STK32B: variants seen among roughly 807,000 people sequenced by gnomAD.
STK32B encodes serine/threonine kinase 32B.
A neutral mutation model predicts 52.6 loss-of-function variants in STK32B; 43 were observed. That is an observed-to-expected ratio of 0.82 (90% CI 0.64 to 1.05). STK32B has a LOEUF of 1.05. Among genes scored for constraint, STK32B ranks in the 50% least tolerant of loss-of-function variants. STK32B has a pLI of 0.00. For synonymous variants in STK32B, 238 were observed against 204.3 expected, an observed-to-expected ratio of 1.17 and a Z score of -1.41; for missense variants, 621 against 534.6, an observed-to-expected ratio of 1.16 and a Z score of -1.59.
chr4:5,051,161 C>T (rs954238648), upstream of STK32B, among the ~76,000 whole-genome samples: 2 of 152,168 alleles, frequency 1.3e-5, no homozygotes, highest in East Asian at 1.9e-4. Flanking sequence ...CCCTTCGCAG[C>T]CGGGGCCGAC....
At chr4:5,479,816 A>G (rs776239358) in intron 11 of STK32B, among the ~76,000 whole-genome samples, 4 of 152,156 alleles carry the variant, frequency 2.6e-5, no homozygotes, top group Non-Finnish European at 4.4e-5. Flanking sequence ...ACAGCTTTCC[A>G]GTAATTTCAA....
At position 5,396,974 on chromosome 4, in the gene STK32B, C is replaced by A. The variant is rs922605416; in HGVS notation, c.435-1233C>A. Reference sequence around the variant, plus strand: ...GCTTTGTGACCTCGGCAGCAGGGGCCCACGTACTCAATGCTCCTCGGTACT... The same window carrying A: ...GCTTTGTGACCTCGGCAGCAGGGGCACACGTACTCAATGCTCCTCGGTACT... On this transcript the variant is annotated intron_variant, in intron 4 of 11. Coordinates refer to ENST00000282908, the MANE Select transcript of STK32B (RefSeq NM_018401.3). The surrounding 1 kb of genome is among the most constrained non-coding windows in gnomAD (Gnocchi z 4.7). Among the ~76,000 whole-genome samples the A allele has an allele frequency of 4.6e-5, 7 of 152,170 alleles. No homozygotes were observed. Among genetic ancestry groups the A allele is most frequent in the African/African-American group, 1.7e-4 (7 of 41,434 alleles).
chr4:5,060,204 G>A (rs949878347), intron 1 of STK32B, among the ~76,000 whole-genome samples: 1 of 152,196 alleles, frequency 6.6e-6, no homozygotes, highest in Non-Finnish European at 1.5e-5. Context: ...AACCTCAGGT[G>A]ATCTGCCTGC....
At chr4:5,075,828 C>T (rs530090966) in intron 1 of STK32B, among the ~76,000 whole-genome samples, 2 of 152,168 alleles carry the variant, frequency 1.3e-5, no homozygotes, top group Non-Finnish European at 2.9e-5. Context: ...CCTGTTCTTT[C>T]AATAAATATG....
chr4:5,366,995 A>G (rs1464699074), intron 4 of STK32B, among the ~76,000 whole-genome samples: 2 of 152,306 alleles, frequency 1.3e-5, no homozygotes, highest in African/African-American at 4.8e-5. Context: ...GAAGATTAAA[A>G]TGATAGTAAG....
chr4:5,262,475 AT>A (rs1289964912), intron 3 of STK32B, among the ~76,000 whole-genome samples: 1 of 151,334 alleles, frequency 6.6e-6, no homozygotes, highest in Non-Finnish European at 1.5e-5. Context: ...AAAAAAAAAA[AT>A]TAGCCGGCCG....
chr4:5,067,942 A>C (rs965369911), intron 1 of STK32B, among the ~76,000 whole-genome samples: 4 of 152,098 alleles, frequency 2.6e-5, no homozygotes, highest in Admixed American at 1.3e-4. Flanking sequence ...TATGAACAGC[A>C]CCAAAGTGGG....
At chr4:5,219,637 C>T (rs1251259264) in intron 3 of STK32B, among the ~76,000 whole-genome samples, 1 of 152,214 alleles carries the variant, frequency 6.6e-6, no homozygotes, top group African/African-American at 2.4e-5. Flanking sequence ...CAGTGCCTTT[C>T]AGGCCCTATG....
chr4:5,027,323 A>C, the STK32B span, among the ~76,000 whole-genome samples: 1 of 152,186 alleles, frequency 6.6e-6, no homozygotes, highest in Non-Finnish European at 1.5e-5. Context: ...ATTCCTTCAT[A>C]AGCCCCCAAA....
chr4:5,131,836 T>C (rs2108822059), intron 1 of STK32B, among the ~76,000 whole-genome samples: 1 of 152,326 alleles, frequency 6.6e-6, no homozygotes, highest in East Asian at 1.9e-4. Context: ...CACTATCACC[T>C]TACCTGATGT....
At chr4:5,137,060 G>A (rs984491711) in intron 1 of STK32B, among the ~76,000 whole-genome samples, 2 of 152,162 alleles carry the variant, frequency 1.3e-5, no homozygotes, top group African/African-American at 2.4e-5. Context: ...AATGGCTTTT[G>A]GCATTTGACC....
chr4:5,083,374 C>T (rs1311165670), intron 1 of STK32B, among the ~76,000 whole-genome samples: 2 of 152,118 alleles, frequency 1.3e-5, no homozygotes, highest in Non-Finnish European at 2.9e-5. Flanking sequence ...AGGCTCTTGA[C>T]TGAGTTGTAT....
At chr4:5,274,074 T>C (rs955137349) in intron 3 of STK32B, among the ~76,000 whole-genome samples, 8 of 152,196 alleles carry the variant, frequency 5.3e-5, no homozygotes, top group African/African-American at 1.9e-4. Context: ...AATTTATCCA[T>C]ATATTCCACA....
intron 3 of STK32B, among the ~76,000 whole-genome samples, chr4:5,313,246 A>G (rs907532160): frequency 6.6e-5 from 10 of 152,022 alleles, no homozygotes; most frequent in African/African-American, 1.4e-4. Flanking sequence ...AAGGCAGTCA[A>G]TGTAATCTAC....
At chr4:5,360,886 T>A (rs965951498) in intron 4 of STK32B, among the ~76,000 whole-genome samples, 6 of 152,208 alleles carry the variant, frequency 3.9e-5, no homozygotes, top group African/African-American at 1.4e-4. Flanking sequence ...CTTAACAGTT[T>A]TTAAGAGTAT....
chr4:5,164,993 C>T (rs899250876), intron 2 of STK32B, among the ~76,000 whole-genome samples: 3 of 152,230 alleles, frequency 2.0e-5, no homozygotes, highest in Non-Finnish European at 4.4e-5. Flanking sequence ...GGTTTGTGCA[C>T]AGCCCCACTC....
intron 3 of STK32B, among the ~76,000 whole-genome samples, chr4:5,177,139 C>G (rs1248308157): frequency 6.6e-6 from 1 of 152,080 alleles, no homozygotes; most frequent in Non-Finnish European, 1.5e-5. Context: ...AAGAACTGCC[C>G]AAGACTGGGT....
rs79204423 is a variant in STK32B at position 5,296,066 on chromosome 4, G to A, written c.261-35154G>A. ...CAGATTGTTCAGTTTCCATGTAGTC[G>A]TGTGGTTTTGAGTGAGTTTCTTAAT... On this transcript the variant is annotated intron_variant, in intron 3 of 11. Coordinates refer to ENST00000282908, the MANE Select transcript of STK32B (RefSeq NM_018401.3). Among the ~76,000 whole-genome samples, 18 of 152,156 alleles carry A rather than the reference G, an allele frequency of 1.2e-4. 1 individual carries two copies. Among genetic ancestry groups the A allele is most frequent in the South Asian group, 2.1e-4 (1 of 4,814 alleles).
At chr4:5,208,092 A>G (rs189349753) in intron 3 of STK32B, among the ~76,000 whole-genome samples, 1 of 152,222 alleles carries the variant, frequency 6.6e-6, no homozygotes, top group East Asian at 1.9e-4. Flanking sequence ...GATATACTAC[A>G]GTGTGTCCAG....
Sources: gnomAD v4.1 joint callset for allele counts (sites outside exome capture counted in the v4.1 genomes callset) on GRCh38, gnomAD v4.1.1 for gene constraint, Gnocchi (gnomAD v3.1) non-coding constraint, MANE v1.5 for transcripts, NCBI Gene and HGNC (gene_info 2026-07-23, HGNC 2026-07-21) for gene names.